ZNRF3: variants seen among roughly 807,000 people sequenced by gnomAD.
The protein encoded by ZNRF3 is E3 ubiquitin-protein ligase ZNRF3.
In ZNRF3, 23 loss-of-function variants were observed where a neutral mutation model predicts 72.5. The observed-to-expected ratio is 0.32, with a 90% CI of 0.23 to 0.45. The LOEUF (loss-of-function observed/expected upper bound fraction) is 0.45, where lower values mean the gene tolerates loss of function less well. ZNRF3 is among the 20% of genes least tolerant of loss of function. The probability of loss-of-function intolerance (pLI) is 1.00; values close to 1 mark genes in which losing one functional copy is unlikely to be tolerated. For synonymous variants in ZNRF3, 610 were observed against 545.3 expected, an observed-to-expected ratio of 1.12 and a Z score of -1.65; for missense variants, 1,169 against 1,272.1, an observed-to-expected ratio of 0.92 and a Z score of 1.23.
chr22:29,002,538 G>A (rs2036166823), intron 2 of ZNRF3, among the ~76,000 whole-genome samples: 1 of 152,196 alleles, frequency 6.6e-6, no homozygotes, highest in African/African-American at 2.4e-5. Context: ...ACAACTCCAA[G>A]TTCCATTTTA....
At chr22:29,044,596 G>A (rs1179753727) in intron 4 of ZNRF3, among the ~76,000 whole-genome samples, 184 bp from the exon 5 acceptor site, 4 of 152,200 alleles carry the variant, frequency 2.6e-5, no homozygotes, top group Non-Finnish European at 5.9e-5. Context: ...CCACACCAAA[G>A]GCACTACATG....
intron 1 of ZNRF3, among the ~76,000 whole-genome samples, chr22:28,897,222 C>CA (rs1569237924): frequency 6.6e-6 from 1 of 152,212 alleles, no homozygotes; most frequent in East Asian, 1.9e-4. Flanking sequence ...CTAGCTGCCC[C>CA]AGTCTCTCAT....
Position 29,053,580 on chromosome 22 carries a change from A to G in ZNRF3, c.2769A>G (p.Gly923=), listed in dbSNP as rs1371821182. 6.2e-7 allele frequency: 1 copy of G among 1,612,492 alleles called. No individual in the cohort carries two copies. Among genetic ancestry groups the G allele is most frequent in the Non-Finnish European group, 8.5e-7 (1 of 1,179,306 alleles). Residue 923 remains glycine, a splice_region_variant and synonymous_variant, in exon 9 of 9, where the codon GGA becomes GGG. Coordinates refer to ENST00000544604, the MANE Select transcript of ZNRF3 (RefSeq NM_001206998.2). ...ESSTTATEAA[G]PRSHSADSSS... The stretch of plus-strand genomic sequence containing the variant: ...ATGATTGTTCTCTCTCTTTCCCAGG[A>G]CCGAGATCTCACTCAGCAGACAGCA...
intron 1 of ZNRF3, among the ~76,000 whole-genome samples, chr22:28,945,893 A>ATCTGTCTCTTTGGTAATGGGATTT (rs2035045390): frequency 1.3e-5 from 2 of 152,156 alleles, no homozygotes; most frequent in Non-Finnish European, 1.5e-5. Context: ...TCTATCCACA[A>ATCTGTCTCTTTGGTAATGGGATTT]TCTGTCTCTT....
At chr22:28,940,148 T>C (rs9608712) in intron 1 of ZNRF3, among the ~76,000 whole-genome samples, 7,358 of 152,306 alleles carry the variant, frequency 0.048, 301 homozygotes, top group Admixed American at 0.12. Flanking sequence ...TTCTTTTCCT[T>C]TCCTGCTCGT....
intron 1 of ZNRF3, among the ~76,000 whole-genome samples, chr22:28,971,529 G>A (rs2035575460): frequency 6.6e-6 from 1 of 152,130 alleles, no homozygotes; most frequent in Non-Finnish European, 1.5e-5. Context: ...AATTGTGGTA[G>A]AATAAAGACT....
intron 5 of ZNRF3, among the ~76,000 whole-genome samples, chr22:29,045,236 G>A (rs893837997): frequency 1.6e-4 from 25 of 151,730 alleles, no homozygotes; most frequent in Admixed American, 8.5e-4. Context: ...TGGCATGTAC[G>A]TGTAGTCCCA....
At position 28,979,124 on chromosome 22, in the gene ZNRF3, TC is replaced by T. The variant is rs1444214721; in HGVS notation, c.301-7950del. ...ATTTTTGTTGTTATTTGTTTGGCTG[TC>T]CTGTAGCCTCATCCTTCTGGCCCCA... On this transcript the variant is annotated intron_variant, in intron 1 of 8. Coordinates refer to ENST00000544604, the MANE Select transcript of ZNRF3 (RefSeq NM_001206998.2). Among the ~76,000 whole-genome samples the T allele has an allele frequency of 5.3e-5, 8 of 152,200 alleles. No homozygotes were observed. In the East Asian group the frequency reaches 1.5e-3, roughly 29 times the overall value.
chr22:28,884,549 C>A (rs757019240), intron 1 of ZNRF3, among the ~76,000 whole-genome samples: 2 of 152,312 alleles, frequency 1.3e-5, no homozygotes, highest in South Asian at 4.1e-4. Context: ...CGGAACCTGC[C>A]GTCCGCCTCA....
At chr22:29,051,464 G>A (rs1413202443) in intron 8 of ZNRF3, among the ~76,000 whole-genome samples, 1 of 152,064 alleles carries the variant, frequency 6.6e-6, no homozygotes, top group Non-Finnish European at 1.5e-5. Flanking sequence ...GTTAGCCAGG[G>A]GTGGTGGCGG....
intron 2 of ZNRF3, among the ~76,000 whole-genome samples, chr22:29,020,987 G>C (rs573593134): frequency 6.6e-6 from 1 of 152,104 alleles, no homozygotes; most frequent in African/African-American, 2.4e-5. Context: ...TAGTAGAGAT[G>C]GGGTTTCACC....
At chr22:29,021,739 C>T (rs954844830) in intron 2 of ZNRF3, among the ~76,000 whole-genome samples, 2 of 152,128 alleles carry the variant, frequency 1.3e-5, no homozygotes, top group Non-Finnish European at 2.9e-5. Context: ...CCACCCACCT[C>T]GACCTCCCAA....
At chr22:28,947,102 G>C (rs573262716) in intron 1 of ZNRF3, among the ~76,000 whole-genome samples, 26 of 152,160 alleles carry the variant, frequency 1.7e-4, no homozygotes, top group Non-Finnish European at 3.7e-4. Context: ...CTCTTAAGTT[G>C]GTTTAGTCTT....
At position 29,039,703 on chromosome 22, in the gene ZNRF3, T is replaced by C. The variant is rs1218783561; in HGVS notation, c.427-2792T>C. ...GGCTCATGCCTGTGATCTCAGCACT[T>C]TGGGAGGCCGGAATGGGAGGATCAC... On this transcript the variant is annotated intron_variant, in intron 2 of 8. Coordinates refer to ENST00000544604, the MANE Select transcript of ZNRF3 (RefSeq NM_001206998.2). Among the ~76,000 whole-genome samples, 3 of 150,700 alleles carry C rather than the reference T, an allele frequency of 2.0e-5. No individual in the cohort carries two copies. In the East Asian group the frequency reaches 5.9e-4, roughly 29 times the overall value.
chr22:29,032,699 A>G (rs1212089213), intron 2 of ZNRF3, among the ~76,000 whole-genome samples: 1 of 152,194 alleles, frequency 6.6e-6, no homozygotes, highest in East Asian at 1.9e-4. Context: ...GCTAACCCCT[A>G]GGGCAAAAGC....
intron 1 of ZNRF3, among the ~76,000 whole-genome samples, chr22:28,981,156 C>T (rs182823631): frequency 1.8e-3 from 276 of 152,332 alleles, no homozygotes; most frequent in African/African-American, 6.4e-3. Flanking sequence ...GCCTATATGT[C>T]GCTGGCTAGT....
chr22:28,947,857 T>C (rs2035081132), intron 1 of ZNRF3, among the ~76,000 whole-genome samples: 1 of 152,320 alleles, frequency 6.6e-6, no homozygotes, highest in South Asian at 2.1e-4. Flanking sequence ...AAATAACTTT[T>C]TTTTTTGAGA....
chr22:28,939,684 T>C (rs1221416242), intron 1 of ZNRF3, among the ~76,000 whole-genome samples: 1 of 152,180 alleles, frequency 6.6e-6, no homozygotes, highest in Non-Finnish European at 1.5e-5. Flanking sequence ...GAGGGCAGAA[T>C]CTGTGCCTTT....
At chr22:29,027,336 C>T (rs1189778559) in intron 2 of ZNRF3, among the ~76,000 whole-genome samples, 2 of 152,158 alleles carry the variant, frequency 1.3e-5, no homozygotes, top group African/African-American at 4.8e-5. Context: ...GCAACCTCCG[C>T]CTCCCGGGTT....
Sources: gnomAD v4.1 joint callset for allele counts (sites outside exome capture counted in the v4.1 genomes callset) on GRCh38, gnomAD v4.1.1 for gene constraint, MANE v1.5 for transcripts, NCBI Gene and HGNC (gene_info 2026-07-23, HGNC 2026-07-21) for gene names.